The following ST6GALNAC6 variants were observed in gnomAD, a reference collection of about 807,000 sequenced individuals.
ST6GALNAC6 encodes ST6 N-acetylgalactosaminide alpha-2,6-sialyltransferase 6, also known as alpha-N-acetylgalactosaminide alpha-2,6-sialyltransferase 6.
In ST6GALNAC6, 19 loss-of-function variants were observed where a neutral mutation model predicts 34.3. The observed-to-expected ratio is 0.55, with a 90% CI of 0.39 to 0.81. The LOEUF (loss-of-function observed/expected upper bound fraction) is 0.81, where lower values mean the gene tolerates loss of function less well. Ranked by LOEUF, ST6GALNAC6 falls within the 40% of genes least tolerant of loss-of-function variation. The probability of loss-of-function intolerance (pLI) is 0.00; values close to 1 mark genes in which losing one functional copy is unlikely to be tolerated. For missense variants in ST6GALNAC6, 377 were observed against 467.7 expected, an observed-to-expected ratio of 0.81 and a Z score of 1.79; for synonymous variants, 185 against 182.1, an observed-to-expected ratio of 1.02 and a Z score of -0.13.
intron 1 of ST6GALNAC6, 92 bp downstream of exon 1, chr9:127,899,411 G>T: frequency 1.4e-6 from 1 of 701,506 alleles, no homozygotes; most frequent in Non-Finnish European, 1.8e-6. Context: ...CCCATCCCCG[G>T]CGATTAGCAA....
In ST6GALNAC6 at chr9:127,890,625, G is replaced by A. The variant is rs773819352; in HGVS notation, c.704+12C>T. On this transcript the variant is annotated intron_variant, in intron 5 of 6. Transcript: ENST00000373146. The surrounding 1 kb of genome is among the most constrained non-coding windows in gnomAD (Gnocchi z 4.3). ...CAGTGCTGGCCAGAGGGGGCAGGCA[G>A]GAGGCTGGTACCTGTCCTTGCCCGT... The A allele has an allele frequency of 5.5e-5, 89 of 1,612,928 alleles. No individual in the cohort carries two copies. The Admixed American group carries it at 1.4e-3, about 26-fold the overall frequency.
At chr9:127,899,732 AGGCGGACCC>A, upstream of ST6GALNAC6, 2 of 909,914 alleles carry the variant, frequency 2.2e-6, no homozygotes, top group Non-Finnish European at 2.6e-6. Context: ...GGGAAAGGGG[AGGCGGACCC>A]GGGTGCCGCC....
chr9:127,899,432 C>T, intron 1 of ST6GALNAC6, 71 bp downstream of exon 1: 1 of 772,356 alleles, frequency 1.3e-6, no homozygotes, highest in Non-Finnish European at 1.6e-6. Flanking sequence ...TCTCCTCTCC[C>T]GGCGCCCTCC....
intron 2 of ST6GALNAC6, 70 bp downstream of exon 2, chr9:127,897,886 C>T: frequency 6.2e-7 from 1 of 1,611,974 alleles, no homozygotes; most frequent in Non-Finnish European, 8.5e-7. Flanking sequence ...CCGTCACAAT[C>T]CTGCTCTGAG....
intron 2 of ST6GALNAC6, chr9:127,897,113 G>T: frequency 1.1e-6 from 1 of 947,846 alleles, no homozygotes; most frequent in Non-Finnish European, 1.3e-6. Context: ...GGAAGACCTG[G>T]CAGTGAGGAG....
chr9:127,886,735 G>A lies in ST6GALNAC6; in HGVS notation c.866C>T (p.Pro289Leu), dbSNP rs1044583614. 2 of 1,613,546 alleles carry A rather than the reference G, an allele frequency of 1.2e-6. No homozygotes were observed. The highest frequency in any genetic ancestry group is 1.3e-5 in the African/African-American group (1 of 75,038). The change falls in exon 7 of 7, where the codon CCG becomes CTG. Residue 289 changes from proline (P) to leucine (L), a missense_variant. Pro to Leu is a moderately conservative substitution (Grantham distance 98, BLOSUM62 -3). Coordinates refer to ENST00000373146, the MANE Select transcript of ST6GALNAC6 (RefSeq NM_013443.5). ...MPYHYYEPKG[P>L]DECVTYIQNE... ...CTGGATGTAGGTGACACATTCGTCC[G>A]GCCCCTTGGGCTCGTAGTAGTGGTA...
upstream of ST6GALNAC6, chr9:127,903,036 T>C (rs1480776185): frequency 6.0e-5 from 7 of 116,762 alleles, no homozygotes; most frequent in East Asian, 5.7e-4. Flanking sequence ...CTTACTCTGT[T>C]GCCCAGGCTG....
At chr9:127,896,544 A>AT (rs1320427984) in intron 2 of ST6GALNAC6, among the ~76,000 whole-genome samples, 1 of 152,176 alleles carries the variant, frequency 6.6e-6, no homozygotes, top group Non-Finnish European at 1.5e-5. Context: ...AGCCCTGCCC[A>AT]TTCTCCTCCC....
chr9:127,905,169 T>G (rs1588668675), intron 1 of ST6GALNAC6: 1 of 963,776 alleles, frequency 1.0e-6, no homozygotes, highest in East Asian at 1.1e-4. Context: ...ATTCAGGTGA[T>G]CCCTGGGGCT....
upstream of ST6GALNAC6, among the ~76,000 whole-genome samples, chr9:127,906,333 CT>C (rs1167983509): frequency 6.6e-6 from 1 of 152,228 alleles, no homozygotes; most frequent in Non-Finnish European, 1.5e-5. Context: ...GCCCTGATCC[CT>C]GGAGCTGGCA....
At chr9:127,888,375 G>A (rs1470312296) in intron 5 of ST6GALNAC6, among the ~76,000 whole-genome samples, 2 of 151,648 alleles carry the variant, frequency 1.3e-5, no homozygotes, top group Non-Finnish European at 2.9e-5. Flanking sequence ...ATGGTGGCAC[G>A]TGCCTGTAGT....
At chr9:127,905,799 A>G (rs1830901857), upstream of ST6GALNAC6, 1 of 306,836 alleles carries the variant, frequency 3.3e-6, no homozygotes, top group South Asian at 1.3e-4. Flanking sequence ...ACAGGCCCAG[A>G]GAGGGGTACT....
At chr9:127,892,615 T>C (rs976452829) in intron 4 of ST6GALNAC6, among the ~76,000 whole-genome samples, 1 of 152,242 alleles carries the variant, frequency 6.6e-6, no homozygotes, top group Non-Finnish European at 1.5e-5. Flanking sequence ...CCAGTCATTA[T>C]CTCTTAGCTT....
intron 2 of ST6GALNAC6, chr9:127,897,334 GC>G: frequency 1.5e-5 from 15 of 985,794 alleles, no homozygotes; most frequent in Non-Finnish European, 1.8e-5. Context: ...TGCTCCAGGG[GC>G]CTCTCAGTTC....
chr9:127,901,259 C>A (rs1273207641), upstream of ST6GALNAC6, among the ~76,000 whole-genome samples: 1 of 152,072 alleles, frequency 6.6e-6, no homozygotes, highest in African/African-American at 2.4e-5. Flanking sequence ...CTTAGAGACA[C>A]AAGGAGTGAA....
At position 127,894,598 on chromosome 9, in the gene ST6GALNAC6, C is replaced by T. The variant is rs112251327; in HGVS notation, c.211G>A (p.Gly71Ser). 21 of 1,614,138 alleles carry T rather than the reference C, an allele frequency of 1.3e-5. No homozygotes were observed. The highest frequency in any genetic ancestry group is 2.2e-5 in the East Asian group (1 of 44,878). The change falls in exon 4 of 7, where the codon GGC (glycine) becomes AGC (serine). Residue 71 changes from glycine to serine, a missense_variant. Coordinates refer to ENST00000373146, the MANE Select transcript of ST6GALNAC6 (RefSeq NM_013443.5). ...SNSANEVFHY[G>S]SLRGRSRRPV... The stretch of plus-strand genomic sequence containing the variant: ...CGGCGGCTACGGCCCCGCAGGGAGC[C>T]GTAATGGAAGACCTCATTGGCACTG...
intron 2 of ST6GALNAC6, among the ~76,000 whole-genome samples, chr9:127,896,652 C>A (rs1478021114): frequency 6.6e-6 from 1 of 152,212 alleles, no homozygotes; most frequent in African/African-American, 2.4e-5. Flanking sequence ...CCCATTCACA[C>A]CCTGCTCTAA....
chr9:127,896,760 G>A (rs762199515), intron 2 of ST6GALNAC6: 5 of 659,434 alleles, frequency 7.6e-6, no homozygotes, highest in South Asian at 1.3e-4. Flanking sequence ...GGCCTGGAAC[G>A]CCCTCCCTCC....
chr9:127,894,566 G>C lies in ST6GALNAC6; in HGVS notation c.243C>G (p.Val81=), dbSNP rs1352360607. The stretch of plus-strand genomic sequence containing the variant: ...CAGTGATGCTCCACTTCTTGAGGTT[G>C]ACAGGTCGGCGGCTACGGCCCCGCA... The part of the protein sequence containing the change: ...GSLRGRSRRP[V]NLKKWSITDG... The change falls in exon 4 of 7, where the codon GTC becomes GTG. Residue 81 remains valine (V), a synonymous_variant. Transcript: ENST00000373146. 1 of 1,614,190 alleles carries C rather than the reference G, an allele frequency of 6.2e-7. No homozygotes were observed. The highest frequency in any genetic ancestry group is 2.2e-5 in the East Asian group (1 of 44,872).
Sources: gnomAD v4.1 joint callset for allele counts (sites outside exome capture counted in the v4.1 genomes callset) on GRCh38, gnomAD v4.1.1 for gene constraint, Gnocchi (gnomAD v3.1) non-coding constraint, MANE v1.5 for transcripts, NCBI Gene and HGNC (gene_info 2026-07-23, HGNC 2026-07-21) for gene names.